ABI1: variants seen among roughly 807,000 people sequenced by gnomAD.
ABI1 encodes abl interactor 1.
A neutral mutation model predicts 54.6 loss-of-function variants in ABI1; 14 were observed. That is an observed-to-expected ratio of 0.26 (90% confidence interval 0.17 to 0.40). The LOEUF is 0.40. Ranked by LOEUF, ABI1 falls within the 10% of genes least tolerant of loss-of-function variation. ABI1 has a pLI of 1.00. For synonymous variants in ABI1, 194 were observed against 209.3 expected (o/e 0.93, Z 0.63); for missense variants, 443 against 598.3 (o/e 0.74, Z 2.71).
At chr10:26,850,985 T>A (rs1286801901) in intron 1 of ABI1, among the ~76,000 whole-genome samples, 1 of 151,814 alleles carries the variant, frequency 6.6e-6, no homozygotes, top group Non-Finnish European at 1.5e-5. Context: ...AGGAAAAGCA[T>A]GAAAGAAAGG....
At chr10:26,765,162 A>T (rs1839768407) in intron 7 of ABI1, 56 bp downstream of exon 7, 3 of 1,242,162 alleles carry the variant, frequency 2.4e-6, no homozygotes, top group Non-Finnish European at 3.4e-6. Flanking sequence ...TCAGCCTTCC[A>T]CAATAAAGCT....
Position 26,860,868 on chromosome 10 carries a change from C to G in ABI1, c.-5G>C. 6.2e-7 allele frequency: 1 copy of G among 1,612,560 alleles called. No individual in the cohort carries two copies. Among genetic ancestry groups the G allele is most frequent in the Non-Finnish European group, 8.5e-7 (1 of 1,178,636 alleles). On this transcript the variant is annotated 5_prime_UTR_variant, in exon 1 of 11. Transcript: ENST00000376140. This position sits in a 1 kb window ranked among gnomAD's most constrained non-coding sequence, Gnocchi z 4.1. Reference sequence around the variant, plus strand: ...TAACATCTGCAGCTCTGCCATTTTCCACCCCTCTGCATCGCTTCCTCTCGC... The same window carrying G: ...TAACATCTGCAGCTCTGCCATTTTCGACCCCTCTGCATCGCTTCCTCTCGC...
chr10:26,785,333 T>C (rs2133073462), intron 2 of ABI1, among the ~76,000 whole-genome samples: 1 of 152,312 alleles, frequency 6.6e-6, no homozygotes, highest in East Asian at 1.9e-4. Flanking sequence ...TTGCTACATA[T>C]GTTTGTATTA....
chr10:26,765,684 G>T (rs555075520), intron 6 of ABI1, among the ~76,000 whole-genome samples: 2 of 151,102 alleles, frequency 1.3e-5, no homozygotes, highest in African/African-American at 4.9e-5. Context: ...GAGGGAGAGT[G>T]GGAGGGAGAG....
chr10:26,836,880 T>C (rs1296982200), intron 1 of ABI1, among the ~76,000 whole-genome samples: 3 of 152,204 alleles, frequency 2.0e-5, no homozygotes, highest in Admixed American at 6.5e-5. Flanking sequence ...TTAACTTTTA[T>C]ATGGGAGGAG....
chr10:26,799,032 T>G (rs2046376019), intron 2 of ABI1, among the ~76,000 whole-genome samples: 1 of 152,034 alleles, frequency 6.6e-6, no homozygotes, highest in South Asian at 2.1e-4. Context: ...AAAATGATGT[T>G]GTTTCATTTG....
chr10:26,807,247 G>A (rs562193049), intron 2 of ABI1, among the ~76,000 whole-genome samples: 42 of 152,208 alleles, frequency 2.8e-4, no homozygotes, highest in African/African-American at 9.6e-4. Flanking sequence ...GCAGAAGGTG[G>A]TGGATCGCTT....
chr10:26,774,021 A>G (rs1841072455), intron 3 of ABI1, among the ~76,000 whole-genome samples: 2 of 152,202 alleles, frequency 1.3e-5, no homozygotes, highest in Admixed American at 1.3e-4. Context: ...ATCCCTTGGT[A>G]TATCAAGGAG....
intron 1 of ABI1, among the ~76,000 whole-genome samples, chr10:26,854,188 C>T (rs2050632572): frequency 6.6e-6 from 1 of 152,066 alleles, no homozygotes; most frequent in South Asian, 2.1e-4. Context: ...TCTAAGAAAA[C>T]TCTCCAAAAG....
chr10:26,860,283 C>T lies in ABI1; in HGVS notation c.117+464G>A, dbSNP rs1422298478. On this transcript the variant is annotated intron_variant, in intron 1 of 10. Coordinates refer to ENST00000376140, the MANE Select transcript of ABI1 (RefSeq NM_001012750.3). The surrounding 1 kb of genome is among the most constrained non-coding windows in gnomAD (Gnocchi z 4.1). The stretch of plus-strand genomic sequence containing the variant: ...CCCGCTGGTCCTCTCCCTTCTGCGG[C>T]TTCAGCCTCGTCCCTGCCCTCTCCT... Among the ~76,000 whole-genome samples, 2 of 152,188 alleles carry T rather than the reference C, an allele frequency of 1.3e-5. No individual in the cohort carries two copies. The highest frequency in any genetic ancestry group is 6.5e-5 in the Admixed American group (1 of 15,278).
chr10:26,815,292 T>G (rs2047491787), intron 2 of ABI1, among the ~76,000 whole-genome samples: 1 of 152,168 alleles, frequency 6.6e-6, no homozygotes, highest in South Asian at 2.1e-4. Flanking sequence ...ATTTACAGAA[T>G]TACAAAAGCT....
intron 8 of ABI1, among the ~76,000 whole-genome samples, chr10:26,756,751 C>T (rs547647751): frequency 1.1e-4 from 17 of 152,154 alleles, no homozygotes; most frequent in Middle Eastern, 3.4e-3. Context: ...TTTAGTCTAT[C>T]GGTAGTCACC....
In ABI1 at chr10:26,761,661, T is replaced by TACATAC. The variant is rs1554806656; in HGVS notation, c.821-2424_821-2423insGTATGT. Among the ~76,000 whole-genome samples, 72 of 78,930 alleles carry TACATAC rather than the reference T, an allele frequency of 9.1e-4. 4 individuals are homozygous for TACATAC. The highest frequency in any genetic ancestry group is 3.1e-3 in the African/African-American group (59 of 19,322). 51.8% of individuals were successfully genotyped at this position (78,930 alleles called of 152,430 possible). On this transcript the variant is annotated intron_variant, in intron 7 of 10. Coordinates refer to ENST00000376140, the MANE Select transcript of ABI1 (RefSeq NM_001012750.3). ...ATATATATATATATATATATATATA[T>TACATAC]ACACACACACATACACATATATAAC...
At chr10:26,823,404 T>G (rs2048110304) in intron 1 of ABI1, 99 bp from the exon 2 acceptor site, 2 of 996,208 alleles carry the variant, frequency 2.0e-6, no homozygotes, top group Non-Finnish European at 2.7e-6. Context: ...ACTAGAGAAA[T>G]TCAATAAAAA....
intron 1 of ABI1, among the ~76,000 whole-genome samples, chr10:26,851,510 T>A (rs1323964456): frequency 6.6e-6 from 1 of 151,856 alleles, no homozygotes; most frequent in African/African-American, 2.4e-5. Flanking sequence ...GTAATAAAAC[T>A]AGTTAATCCA....
chr10:26,841,042 CAT>C (rs2049459381), intron 1 of ABI1, among the ~76,000 whole-genome samples: 1 of 152,162 alleles, frequency 6.6e-6, no homozygotes, highest in Non-Finnish European at 1.5e-5. Context: ...TTTACTAAAA[CAT>C]AGCCACATCC....
intron 9 of ABI1, among the ~76,000 whole-genome samples, chr10:26,754,855 T>G (rs1838095150): frequency 6.6e-6 from 1 of 152,144 alleles, no homozygotes; most frequent in African/African-American, 2.4e-5. Flanking sequence ...GCAGTTAGGA[T>G]TACACATCTT....
rs575438256 is a variant in ABI1, at chr10:26,849,141, A to T, written c.117+11606T>A. On this transcript the variant is annotated intron_variant, in intron 1 of 10. Transcript: ENST00000376140. ...TTTACAGGGGGTCCACGAGGTCTAA[A>T]TTATTTTTATAATACTACTAATGTT... 3.6e-4 allele frequency among the ~76,000 whole-genome samples: 55 copies of T among 152,264 alleles called. 1 individual carries two copies. Among genetic ancestry groups the T allele is most frequent in the African/African-American group, 1.3e-3 (54 of 41,556 alleles).
chr10:26,844,543 T>C lies in ABI1; in HGVS notation c.117+16204A>G, dbSNP rs542062663. 3.8e-4 allele frequency among the ~76,000 whole-genome samples: 58 copies of C among 152,346 alleles called. 1 individual carries two copies. The South Asian group carries it at 6.4e-3, about 17-fold the overall frequency. On this transcript the variant is annotated intron_variant, in intron 1 of 10. Transcript: ENST00000376140. Reference sequence around the variant, plus strand: ...CTCCTCTTCCCTCTTCCCTTCCCTGTTCTGCCCACGCAGCCAGCTAGCAGT... The same window carrying C: ...CTCCTCTTCCCTCTTCCCTTCCCTGCTCTGCCCACGCAGCCAGCTAGCAGT...
Sources: gnomAD v4.1 joint callset for allele counts (sites outside exome capture counted in the v4.1 genomes callset) on GRCh38, gnomAD v4.1.1 for gene constraint, Gnocchi (gnomAD v3.1) non-coding constraint, MANE v1.5 for transcripts, NCBI Gene and HGNC (gene_info 2026-07-23, HGNC 2026-07-21) for gene names.